The following ENOX1 variants were observed in gnomAD, a reference collection of about 807,000 sequenced individuals.
ENOX1 encodes candidate growth-related and time keeping constitutive hydroquinone (NADH) oxidase.
A neutral mutation model predicts 82.5 loss-of-function variants in ENOX1; 42 were observed. The observed-to-expected ratio is 0.51, with a 90% CI of 0.40 to 0.66. ENOX1 has a LOEUF of 0.66. Among genes scored for constraint, ENOX1 ranks in the 30% least tolerant of loss-of-function variants. The pLI, the probability that ENOX1 is intolerant of heterozygous loss-of-function variation, is 0.00. For synonymous variants in ENOX1, 271 were observed against 282.2 expected (o/e 0.96, Z 0.40); for missense variants, 608 against 811.6 (o/e 0.75, Z 3.05).
At chr13:43,256,144 A>G (rs2153473336) in intron 14 of ENOX1, among the ~76,000 whole-genome samples, 1 of 152,352 alleles carries the variant, frequency 6.6e-6, no homozygotes, top group Non-Finnish European at 1.5e-5. Flanking sequence ...CCATGTATGA[A>G]AATCAAGTCA....
At chr13:43,239,233 T>C (rs1419796031) in intron 14 of ENOX1, among the ~76,000 whole-genome samples, 1 of 152,138 alleles carries the variant, frequency 6.6e-6, no homozygotes, top group African/African-American at 2.4e-5. Flanking sequence ...CATGCAGTCA[T>C]GGCCAGTGAC....
At chr13:43,371,817 G>C (rs2051262964) in intron 5 of ENOX1, among the ~76,000 whole-genome samples, 1 of 152,144 alleles carries the variant, frequency 6.6e-6, no homozygotes, top group African/African-American at 2.4e-5. Flanking sequence ...TGTAGACTGG[G>C]AGAGACAAAA....
chr13:43,632,818 G>C (rs1367353382), intron 2 of ENOX1, among the ~76,000 whole-genome samples: 1 of 151,902 alleles, frequency 6.6e-6, no homozygotes, highest in Non-Finnish European at 1.5e-5. Context: ...AGAGATTTGA[G>C]TTTTCATTGG....
intron 5 of ENOX1, among the ~76,000 whole-genome samples, chr13:43,397,726 A>C (rs571796945): frequency 6.6e-6 from 1 of 152,372 alleles, no homozygotes; most frequent in Admixed American, 6.5e-5. Flanking sequence ...AAAGAGGAAA[A>C]TATAGTTTAT....
chr13:43,457,943 A>G (rs1186828261), intron 3 of ENOX1, among the ~76,000 whole-genome samples: 1 of 152,200 alleles, frequency 6.6e-6, no homozygotes, highest in Non-Finnish European at 1.5e-5. Flanking sequence ...ACCAAGGTAT[A>G]TATGTGTGTA....
intron 1 of ENOX1, among the ~76,000 whole-genome samples, chr13:43,721,660 G>A (rs913257426): frequency 3.3e-5 from 5 of 152,046 alleles, no homozygotes; most frequent in African/African-American, 7.2e-5. Flanking sequence ...TTACAGGCAT[G>A]AGCCACCACG....
chr13:43,334,971 G>A (rs1406733805), intron 9 of ENOX1, among the ~76,000 whole-genome samples: 1 of 152,186 alleles, frequency 6.6e-6, no homozygotes, highest in African/African-American at 2.4e-5. Flanking sequence ...TGTTGGTCAA[G>A]TCTTAGCTCC....
chr13:43,323,235 C>T (rs55943461), intron 10 of ENOX1, among the ~76,000 whole-genome samples: 86 of 152,314 alleles, frequency 5.6e-4, no homozygotes, highest in Admixed American at 1.3e-3. Context: ...GATGCCCTTT[C>T]TTTCGTATTG....
intron 2 of ENOX1, chr13:43,545,367 G>T (rs750502209): frequency 6.6e-6 from 1 of 152,234 alleles, no homozygotes; most frequent in Non-Finnish European, 1.5e-5. Context: ...CCCTAGGGTG[G>T]CATTTGCTGT....
intron 12 of ENOX1, among the ~76,000 whole-genome samples, chr13:43,291,773 C>T (rs926986417): frequency 1.3e-5 from 2 of 152,170 alleles, no homozygotes; most frequent in African/African-American, 4.8e-5. Flanking sequence ...GTATTTTCTT[C>T]CTCCAGAGAC....
chr13:43,692,424 T>C (rs898782046), intron 1 of ENOX1, among the ~76,000 whole-genome samples: 2 of 152,180 alleles, frequency 1.3e-5, no homozygotes, highest in African/African-American at 4.8e-5. Flanking sequence ...ATTGATACAT[T>C]TGATTGCACA....
intron 3 of ENOX1, among the ~76,000 whole-genome samples, chr13:43,451,143 C>T (rs985108580): frequency 2.0e-5 from 3 of 152,048 alleles, no homozygotes; most frequent in Admixed American, 6.6e-5. Context: ...GGCTCATCTT[C>T]GGTCAGGAAA....
intron 3 of ENOX1, among the ~76,000 whole-genome samples, chr13:43,451,985 G>A (rs1363299299): frequency 6.6e-6 from 1 of 152,144 alleles, no homozygotes; most frequent in African/African-American, 2.4e-5. Flanking sequence ...CGAATTCAGT[G>A]GTTAAGGAAG....
At chr13:43,716,332 C>T (rs1206123993) in intron 1 of ENOX1, among the ~76,000 whole-genome samples, 1 of 152,150 alleles carries the variant, frequency 6.6e-6, no homozygotes, top group Non-Finnish European at 1.5e-5. Context: ...CACTCCAGAC[C>T]CTGTTTGCCT....
rs189002292 is a variant in ENOX1 at position 43,599,065 on chromosome 13, G to A, written c.-219+68414C>T. Reference sequence around the variant, plus strand: ...TCTGAATTCTGTGGTGCAGGTGGGAGAGTCTGTGATTAAGATAACAATCAA... The same window carrying A: ...TCTGAATTCTGTGGTGCAGGTGGGAAAGTCTGTGATTAAGATAACAATCAA... On this transcript the variant is annotated intron_variant, in intron 2 of 16. Transcript: ENST00000690772. Among the ~76,000 whole-genome samples the A allele has an allele frequency of 9.9e-5, 15 of 152,256 alleles. No individual in the cohort carries two copies. In the East Asian group the frequency reaches 2.5e-3, roughly 26 times the overall value.
In ENOX1 at chr13:43,322,420, C is replaced by T; in HGVS notation, c.1225G>A (p.Asp409Asn). The T allele has an allele frequency of 6.2e-7, 1 of 1,614,112 alleles. No individual in the cohort carries two copies. Among genetic ancestry groups the T allele is most frequent in the Non-Finnish European group, 8.5e-7 (1 of 1,179,974 alleles). The change falls in exon 11 of 17, where the codon GAC becomes AAC. Residue 409 changes from aspartate (D) to asparagine (N), a missense_variant. Asp to Asn is a conservative substitution (Grantham distance 23, BLOSUM62 1). Transcript: ENST00000690772. Reference sequence around the variant, plus strand: ...ACTCTCATTTTCTTTGTAGGGCTGTCACAGTTCTCATCATCAGACATTTCC... The same window carrying T: ...ACTCTCATTTTCTTTGTAGGGCTGTTACAGTTCTCATCATCAGACATTTCC... ...EMEMSDDENC[D>N]SPTKKMRVDE...
intron 8 of ENOX1, among the ~76,000 whole-genome samples, chr13:43,346,597 C>G (rs987556486): frequency 1.1e-4 from 17 of 152,168 alleles, no homozygotes; most frequent in Non-Finnish European, 1.6e-4. Flanking sequence ...TAAGTTCAAC[C>G]CTCAGTGAAC....
At chr13:43,544,166 C>CA (rs2078873733) in intron 2 of ENOX1, 1 of 152,210 alleles carries the variant, frequency 6.6e-6, no homozygotes, top group Admixed American at 6.5e-5. Flanking sequence ...AGGCATGAGC[C>CA]ATCGCGCCCA....
chr13:43,351,853 T>C (rs2153553173), intron 8 of ENOX1, among the ~76,000 whole-genome samples: 1 of 152,060 alleles, frequency 6.6e-6, no homozygotes, highest in South Asian at 2.1e-4. Context: ...TGGTTCCAAG[T>C]CTTTGCTATT....
Sources: allele counts gnomAD v4.1 joint callset (sites outside exome capture counted in the v4.1 genomes callset), GRCh38; gene constraint gnomAD v4.1.1; transcripts MANE v1.5; gene names NCBI Gene and HGNC (gene_info 2026-07-23, HGNC 2026-07-21).